Variants in NEK11 observed in about 807,000 individuals in gnomAD.
NEK11 encodes the protein serine/threonine-protein kinase Nek11.
A neutral mutation model predicts 80.7 loss-of-function variants in NEK11; 72 were observed. That is an observed-to-expected ratio of 0.89 (90% CI 0.74 to 1.08). The LOEUF (loss-of-function observed/expected upper bound fraction) is 1.08. Ranked by LOEUF, NEK11 falls within the 50% of genes least tolerant of loss-of-function variation. NEK11 has a pLI of 0.00. For missense variants in NEK11, 764 were observed against 763.6 expected, an observed-to-expected ratio of 1.00 and a Z score of -0.01; for synonymous variants, 251 against 260.7, an observed-to-expected ratio of 0.96 and a Z score of 0.36.
At position 131,227,966 on chromosome 3, in the gene NEK11, T is replaced by A. The variant is rs1026683681; in HGVS notation, c.1400-562T>A. Among the ~76,000 whole-genome samples, 77 of 152,152 alleles carry A rather than the reference T, an allele frequency of 5.1e-4. 1 individual carries two copies. Among genetic ancestry groups the A allele is most frequent in the African/African-American group, 1.7e-3 (70 of 41,438 alleles). The stretch of plus-strand genomic sequence containing the variant: ...GTAAGTAGGACCCACCAGAGTGAAC[T>A]CCATCTCAAAAGCCATCATTACCTG... On this transcript the variant is annotated intron_variant, in intron 14 of 17. Coordinates refer to ENST00000383366, the MANE Select transcript of NEK11 (RefSeq NM_024800.5).
At chr3:131,027,216 A>G (rs1577132649) in intron 1 of NEK11, 1 of 152,214 alleles carries the variant, frequency 6.6e-6, no homozygotes, top group East Asian at 1.9e-4. Context: ...AATGTTTAAA[A>G]AGGTGAAGAA....
intron 17 of NEK11, among the ~76,000 whole-genome samples, chr3:131,276,948 T>A (rs1313564023): frequency 6.6e-6 from 1 of 152,226 alleles, no homozygotes; most frequent in African/African-American, 2.4e-5. Context: ...GAATGGTTCC[T>A]TAGTCATTCT....
intron 7 of NEK11, among the ~76,000 whole-genome samples, chr3:131,148,530 T>G (rs1319413185): frequency 6.6e-6 from 1 of 151,920 alleles, no homozygotes; most frequent in Non-Finnish European, 1.5e-5. Context: ...ATATCTATAT[T>G]GAGAAGATAA....
chr3:131,097,440 G>A (rs955180825), intron 4 of NEK11, among the ~76,000 whole-genome samples: 9 of 152,006 alleles, frequency 5.9e-5, no homozygotes, highest in African/African-American at 1.9e-4. Context: ...ACTGGTGTGA[G>A]ATGGTATCTC....
chr3:131,301,145 GA>G (rs1432338931), intron 17 of NEK11, among the ~76,000 whole-genome samples: 1 of 152,124 alleles, frequency 6.6e-6, no homozygotes, highest in East Asian at 1.9e-4. Context: ...TGGCTATTGT[GA>G]AAGAGATTGC....
intron 14 of NEK11, among the ~76,000 whole-genome samples, chr3:131,181,123 G>A (rs904516110): frequency 1.3e-5 from 2 of 152,146 alleles, no homozygotes; most frequent in Non-Finnish European, 2.9e-5. Context: ...GGTTACAGAT[G>A]GAACTAAGGT....
chr3:131,232,073 T>C (rs1187818491), intron 15 of NEK11, among the ~76,000 whole-genome samples: 2 of 152,188 alleles, frequency 1.3e-5, no homozygotes, highest in Non-Finnish European at 2.9e-5. Context: ...TAATTGCTGA[T>C]GATTGCCAAC....
chr3:131,183,619 TC>T (rs2093468577), intron 14 of NEK11, among the ~76,000 whole-genome samples: 1 of 152,216 alleles, frequency 6.6e-6, no homozygotes, highest in African/African-American at 2.4e-5. Context: ...ATGACCTCAT[TC>T]CTTTTTATGG....
intron 17 of NEK11, among the ~76,000 whole-genome samples, chr3:131,308,051 G>A (rs2096740126): frequency 6.6e-6 from 1 of 152,178 alleles, no homozygotes. Context: ...ATTCTCAGAG[G>A]AATAAATGAC....
intron 3 of NEK11, among the ~76,000 whole-genome samples, chr3:131,042,537 C>T (rs969858169): frequency 5.9e-5 from 9 of 152,280 alleles, no homozygotes; most frequent in East Asian, 3.9e-4. Context: ...GCCACAAAGC[C>T]GCTGTAGCCA....
At chr3:131,133,748 T>G in intron 6 of NEK11, 82 bp from the exon 7 acceptor site, 1 of 1,051,634 alleles carries the variant, frequency 9.5e-7, no homozygotes, top group Non-Finnish European at 1.4e-6. Flanking sequence ...ATGGTCAAAT[T>G]AGGCACTCAT....
intron 14 of NEK11, among the ~76,000 whole-genome samples, chr3:131,176,444 A>G (rs1305693359): frequency 1.3e-5 from 2 of 152,202 alleles, no homozygotes; most frequent in Non-Finnish European, 2.9e-5. Flanking sequence ...TGCATTTCAT[A>G]ATAGTGTTTC....
At chr3:131,189,460 G>C (rs945423970) in intron 14 of NEK11, among the ~76,000 whole-genome samples, 1 of 152,190 alleles carries the variant, frequency 6.6e-6, no homozygotes, top group Non-Finnish European at 1.5e-5. Context: ...GTTCATAGAT[G>C]ATGACTTCTC....
Position 131,231,904 on chromosome 3 carries a change from T to C in NEK11, c.1560+3216T>C, listed in dbSNP as rs1391544648. On this transcript the variant is annotated intron_variant, in intron 15 of 17. Coordinates refer to ENST00000383366, the MANE Select transcript of NEK11 (RefSeq NM_024800.5). ...TCAGATCAAAGTTGATTCCCCTTCC[T>C]TTAGATGGAGCCAAAGTCACATAGT... Among the ~76,000 whole-genome samples the C allele has an allele frequency of 2.0e-5, 3 of 152,126 alleles. No homozygotes were observed. In the East Asian group the frequency reaches 5.8e-4, roughly 29 times the overall value.
rs202234996 is a variant in NEK11 at position 131,255,124 on chromosome 3, G to GA, written c.1621+11631dup. ...AGAAAGAAAGAAAGAAAGAAAGAAA[G>GA]AAAGAGAGAAAGAACAGCTAATTTC... On this transcript the variant is annotated intron_variant, in intron 16 of 17. Coordinates refer to ENST00000383366, the MANE Select transcript of NEK11 (RefSeq NM_024800.5). Among the ~76,000 whole-genome samples the GA allele has an allele frequency of 3.2e-3, 474 of 150,218 alleles. 3 individuals are homozygous for GA. The highest frequency in any genetic ancestry group is 0.011 in the African/African-American group (434 of 40,148).
intron 17 of NEK11, among the ~76,000 whole-genome samples, chr3:131,293,574 TG>T (rs2096565767): frequency 6.6e-6 from 1 of 152,086 alleles, no homozygotes; most frequent in Non-Finnish European, 1.5e-5. Flanking sequence ...TCTTTGGTTT[TG>T]GTTTTTATTT....
intron 9 of NEK11, 34 bp from the exon 10 acceptor site, chr3:131,155,002 C>G: frequency 7.7e-7 from 1 of 1,291,466 alleles, no homozygotes; most frequent in South Asian, 1.2e-5. Flanking sequence ...AAAGAGGAGC[C>G]TTTAAGATAT....
intron 14 of NEK11, among the ~76,000 whole-genome samples, chr3:131,221,202 G>T (rs560555802): frequency 6.6e-6 from 1 of 152,268 alleles, no homozygotes; most frequent in Admixed American, 6.5e-5. Context: ...TGGTAAGCAG[G>T]ATGGGTGTGG....
chr3:131,307,191 C>G (rs970755545), intron 17 of NEK11, among the ~76,000 whole-genome samples: 1 of 152,150 alleles, frequency 6.6e-6, no homozygotes, highest in African/African-American at 2.4e-5. Flanking sequence ...TTAAAAATAG[C>G]CTCCCAAGTT....
Sources: gnomAD v4.1 joint callset for allele counts (sites outside exome capture counted in the v4.1 genomes callset) on GRCh38, gnomAD v4.1.1 for gene constraint, MANE v1.5 for transcripts, NCBI Gene and HGNC (gene_info 2026-07-23, HGNC 2026-07-21) for gene names.